The following KSR1 variants were observed in gnomAD, a reference collection of about 807,000 sequenced individuals.
The protein encoded by KSR1 is kinase suppressor of ras 1.
KSR1 carries 35 observed loss-of-function variants against 92.9 expected under a neutral mutation model. That is an observed-to-expected ratio of 0.38 (90% confidence interval 0.29 to 0.50). The LOEUF (loss-of-function observed/expected upper bound fraction) is 0.50, where lower values mean the gene tolerates loss of function less well. Among genes scored for constraint, KSR1 ranks in the 20% least tolerant of loss-of-function variants. The pLI, the probability that KSR1 is intolerant of heterozygous loss-of-function variation, is 0.94. For synonymous variants in KSR1, 467 were observed against 472.6 expected (o/e 0.99, Z 0.15); for missense variants, 972 against 1,158.5 (o/e 0.84, Z 2.34).
At position 27,611,639 on chromosome 17, in the gene KSR1, A is replaced by C; in HGVS notation, c.2493+10A>C. On this transcript the variant is annotated intron_variant, in intron 18 of 20. Transcript: ENST00000644974. Reference sequence around the variant, plus strand: ...GGGGAAGGAAGTCAGTGTAAGTAGTACCTGCCCTGGGTGGAGCAGTAGGGC... The same window carrying C: ...GGGGAAGGAAGTCAGTGTAAGTAGTCCCTGCCCTGGGTGGAGCAGTAGGGC... 1 of 1,613,666 alleles carries C rather than the reference A, an allele frequency of 6.2e-7. No individual in the cohort carries two copies. Among genetic ancestry groups the C allele is most frequent in the African/African-American group, 1.3e-5 (1 of 75,022 alleles).
At chr17:27,580,898 C>T (rs529386980) in intron 3 of KSR1, among the ~76,000 whole-genome samples, 1 of 152,310 alleles carries the variant, frequency 6.6e-6, no homozygotes, top group East Asian at 1.9e-4. Context: ...TCCCAAGTAG[C>T]TGGGACTACC....
intron 1 of KSR1, among the ~76,000 whole-genome samples, chr17:27,492,597 C>G (rs558584879): frequency 1.6e-4 from 25 of 152,272 alleles, no homozygotes; most frequent in African/African-American, 5.8e-4. Flanking sequence ...CTGTGGACTT[C>G]CACAGCTCTA....
intron 1 of KSR1, among the ~76,000 whole-genome samples, chr17:27,504,253 T>C (rs1419150542): frequency 1.3e-5 from 2 of 152,202 alleles, no homozygotes; most frequent in Non-Finnish European, 1.5e-5. Context: ...CCAGCCTGGC[T>C]CTGTGAGGCT....
intron 1 of KSR1, among the ~76,000 whole-genome samples, chr17:27,508,215 T>G (rs1211675490): frequency 6.6e-6 from 1 of 152,078 alleles, no homozygotes; most frequent in Non-Finnish European, 1.5e-5. Flanking sequence ...AGGGTGGACT[T>G]TGGAGGCGTG....
intron 11 of KSR1, 148 bp from the exon 12 acceptor site, chr17:27,603,686 C>A (rs1391736333): frequency 9.3e-6 from 7 of 749,714 alleles, no homozygotes; most frequent in Non-Finnish European, 1.6e-5. Flanking sequence ...AGGGCCCAGG[C>A]TGGTCCTTGT....
intron 10 of KSR1, 78 bp downstream of exon 10, chr17:27,597,514 T>A: frequency 1.4e-6 from 2 of 1,448,850 alleles, no homozygotes; most frequent in Non-Finnish European, 1.9e-6. Flanking sequence ...GTTCGGCAGA[T>A]TCAAGGTCAG....
intron 11 of KSR1, 128 bp from the exon 12 acceptor site, chr17:27,603,706 T>TG: frequency 1.1e-6 from 1 of 911,470 alleles, no homozygotes; most frequent in Non-Finnish European, 1.8e-6. Flanking sequence ...TGGGAGTGTC[T>TG]GGGGAACATG....
At chr17:27,593,528 A>G (rs1480201762) in intron 9 of KSR1, among the ~76,000 whole-genome samples, 1 of 152,232 alleles carries the variant, frequency 6.6e-6, no homozygotes, top group Non-Finnish European at 1.5e-5. Flanking sequence ...AATGTGGCCA[A>G]TTCATACTGG....
intron 1 of KSR1, among the ~76,000 whole-genome samples, chr17:27,523,858 A>G (rs1567790339): frequency 1.3e-5 from 2 of 152,186 alleles, no homozygotes; most frequent in African/African-American, 4.8e-5. Context: ...TGAAATTACC[A>G]TGTGGCACTT....
At chr17:27,586,530 G>A (rs1681164280) in intron 5 of KSR1, among the ~76,000 whole-genome samples, 1 of 152,128 alleles carries the variant, frequency 6.6e-6, no homozygotes, top group African/African-American at 2.4e-5. Context: ...ATGAAGAGGA[G>A]CTACACTTCC....
At chr17:27,613,934 T>C (rs1293535315) in intron 18 of KSR1, among the ~76,000 whole-genome samples, 1 of 152,208 alleles carries the variant, frequency 6.6e-6, no homozygotes, top group Admixed American at 6.5e-5. Context: ...TCCAAGTAGC[T>C]GGGATTACAA....
intron 2 of KSR1, among the ~76,000 whole-genome samples, chr17:27,561,204 C>A (rs1161569450): frequency 6.6e-6 from 1 of 152,206 alleles, no homozygotes; most frequent in African/African-American, 2.4e-5. Flanking sequence ...CCTTGTACTT[C>A]CTTCTCATAC....
chr17:27,463,237 C>T (rs1239949422), intron 1 of KSR1, among the ~76,000 whole-genome samples: 1 of 152,120 alleles, frequency 6.6e-6, no homozygotes, highest in Non-Finnish European at 1.5e-5. Context: ...GGCCTGGGTG[C>T]GGTGGCTCAT....
chr17:27,576,909 G>T (rs913586909), intron 2 of KSR1, among the ~76,000 whole-genome samples: 1 of 152,154 alleles, frequency 6.6e-6, no homozygotes, highest in Admixed American at 6.5e-5. Context: ...TTTCTTCACC[G>T]TATGGCCTAG....
intron 11 of KSR1, 62 bp from the exon 12 acceptor site, chr17:27,603,771 CG>C: frequency 1.3e-6 from 2 of 1,549,924 alleles, no homozygotes; most frequent in Non-Finnish European, 1.8e-6. Flanking sequence ...GTTTCAAGCA[CG>C]GTGTCTCTTT....
rs772459001 is a variant in KSR1, at chr17:27,597,258, G to C, written c.1300-10G>C. On this transcript the variant is annotated splice_polypyrimidine_tract_variant and intron_variant, in intron 9 of 20. Coordinates refer to ENST00000644974, the MANE Select transcript of KSR1 (RefSeq NM_001394583.1). ...CAGCCCTGCCATTCCCAACATCTCT[G>C]GTCCTGCAGGAGCACCCTCCGGCCA... 1.3e-6 allele frequency: 2 copies of C among 1,569,606 alleles called. No individual in the cohort carries two copies. The highest frequency in any genetic ancestry group is 1.2e-5 in the South Asian group (1 of 85,266).
intron 1 of KSR1, among the ~76,000 whole-genome samples, chr17:27,515,815 C>T (rs1303901914): frequency 6.6e-6 from 1 of 151,990 alleles, no homozygotes; most frequent in African/African-American, 2.4e-5. Context: ...ATAGACTCTC[C>T]TCTAGGTTAG....
chr17:27,563,745 C>G (rs1427232899), intron 2 of KSR1, among the ~76,000 whole-genome samples: 1 of 152,140 alleles, frequency 6.6e-6, no homozygotes, highest in African/African-American at 2.4e-5. Context: ...TAGCCCAGGG[C>G]CTTTGTATGT....
At chr17:27,542,762 CT>C (rs1159298437) in intron 1 of KSR1, among the ~76,000 whole-genome samples, 1 of 152,212 alleles carries the variant, frequency 6.6e-6, no homozygotes, top group Non-Finnish European at 1.5e-5. Context: ...TTAGTGAGCA[CT>C]TTATATGTTC....
Sources: allele counts gnomAD v4.1 joint callset (sites outside exome capture counted in the v4.1 genomes callset), GRCh38; gene constraint gnomAD v4.1.1; transcripts MANE v1.5; gene names NCBI Gene and HGNC (gene_info 2026-07-23, HGNC 2026-07-21).